SEPTIN11: variants seen among roughly 807,000 people sequenced by gnomAD.
SEPTIN11 encodes septin-11.
SEPTIN11 carries 25 observed loss-of-function variants against 51.4 expected under a neutral mutation model. The observed-to-expected ratio is 0.49, with a 90% confidence interval of 0.35 to 0.68. The LOEUF is 0.68. Among genes scored for constraint, SEPTIN11 ranks in the 30% least tolerant of loss-of-function variants. The pLI is 0.00. For synonymous variants in SEPTIN11, 174 were observed against 184.1 expected (o/e 0.95, Z 0.44); for missense variants, 381 against 520.8 (o/e 0.73, Z 2.61).
rs746370026 is a variant in SEPTIN11 at position 77,005,680 on chromosome 4, T to C, written c.222T>C (p.Asn74=). The C allele has an allele frequency of 2.5e-6, 4 of 1,613,996 alleles. No homozygotes were observed. Among genetic ancestry groups the C allele is most frequent in the African/African-American group, 1.3e-5 (1 of 74,930 alleles). ...TTGAAAGTGACCCAGCTACTCACAATGAACCAGGTGTTCGGTTAAAAGCCA... is the reference window on the plus strand; with the variant it reads ...TTGAAAGTGACCCAGCTACTCACAACGAACCAGGTGTTCGGTTAAAAGCCA... ...TKFESDPATH[N]EPGVRLKARS... is the part of the protein sequence containing the mutation. Residue 74 remains asparagine, a synonymous_variant, in exon 3 of 10, where the codon AAT becomes AAC. Coordinates refer to ENST00000264893, the MANE Select transcript of SEPTIN11 (RefSeq NM_018243.4).
Position 77,036,234 on chromosome 4 carries a change from C to T in SEPTIN11, c.*1722C>T, listed in dbSNP as rs1727015839. 5.0e-6 allele frequency: 5 copies of T among 1,004,584 alleles called. No individual in the cohort carries two copies. Among genetic ancestry groups the T allele is most frequent in the Non-Finnish European group, 5.9e-6 (5 of 841,790 alleles). 62.2% of individuals were successfully genotyped at this position (1,004,584 alleles called of 1,614,324 possible). A position where few individuals can be genotyped will look rare whatever the true frequency, so the allele number is the denominator to read the frequency against. On this transcript the variant is annotated 3_prime_UTR_variant, in exon 10 of 10. Transcript: ENST00000264893. Reference sequence around the variant, plus strand: ...TAGACACAGCAGTAGTCATAGTCTTCACAGGTTTAGGAGCTACTGGACCAA... The same window carrying T: ...TAGACACAGCAGTAGTCATAGTCTTTACAGGTTTAGGAGCTACTGGACCAA...
At chr4:76,959,367 G>T (rs889714107) in intron 1 of SEPTIN11, among the ~76,000 whole-genome samples, 5 of 151,224 alleles carry the variant, frequency 3.3e-5, no homozygotes, top group East Asian at 3.9e-4. Flanking sequence ...TCCTGTCTAG[G>T]CCTCCCAAAA....
chr4:77,013,914 C>T (rs2703158), intron 4 of SEPTIN11, among the ~76,000 whole-genome samples: 83,068 of 151,888 alleles, frequency 0.55, 23,388 homozygotes, highest in Non-Finnish European at 0.61. Context: ...CTTATTGAAA[C>T]CTGTGTTTAC....
chr4:77,018,448 CAAA>C (rs35058632), intron 5 of SEPTIN11, among the ~76,000 whole-genome samples: 3 of 131,744 alleles, frequency 2.3e-5, no homozygotes, highest in Non-Finnish European at 4.9e-5. Context: ...GACTCCATCT[CAAA>C]AAAAAAAAAA....
At chr4:76,949,975 T>A (rs939853493) in intron 1 of SEPTIN11, 45 bp downstream of exon 1, 70 of 1,424,768 alleles carry the variant, frequency 4.9e-5, no homozygotes, top group Non-Finnish European at 6.2e-5. Context: ...CGCCGGGTGG[T>A]CTCTGCTCTG....
rs932699582 is a variant in SEPTIN11, at chr4:76,981,677, A to C, written c.28-14748A>C. On this transcript the variant is annotated intron_variant, in intron 1 of 9. Coordinates refer to ENST00000264893, the MANE Select transcript of SEPTIN11 (RefSeq NM_018243.4). ...GAAGGAGTAAGAAAGCTTTAGCTTG[A>C]TTAGAATGGCTGAACTTGTAGCGGT... Among the ~76,000 whole-genome samples, 7 of 152,316 alleles carry C rather than the reference A, an allele frequency of 4.6e-5. No homozygotes were observed. In the South Asian group the frequency reaches 8.3e-4, roughly 18 times the overall value.
chr4:76,969,595 T>TTTTCTAA (rs1411928695), intron 1 of SEPTIN11, among the ~76,000 whole-genome samples: 2 of 152,150 alleles, frequency 1.3e-5, no homozygotes, highest in African/African-American at 4.8e-5. Context: ...CCATGCGAAT[T>TTTTCTAA]TTTCTTAAGA....
intron 1 of SEPTIN11, among the ~76,000 whole-genome samples, chr4:76,971,029 G>A (rs1047700882): frequency 6.6e-6 from 1 of 152,104 alleles, no homozygotes; most frequent in East Asian, 1.9e-4. Context: ...GGATTCATTG[G>A]AACAATAAGT....
At chr4:77,021,921 G>A (rs1725748048) in intron 7 of SEPTIN11, among the ~76,000 whole-genome samples, 1 of 152,204 alleles carries the variant, frequency 6.6e-6, no homozygotes, top group African/African-American at 2.4e-5. Flanking sequence ...ACCCAGACAA[G>A]GGGCATACCA....
chr4:76,991,439 A>G (rs1723369982), intron 1 of SEPTIN11, among the ~76,000 whole-genome samples: 1 of 152,264 alleles, frequency 6.6e-6, no homozygotes, highest in Non-Finnish European at 1.5e-5. Context: ...AGCAGCGCTC[A>G]GAATGTAGGT....
intron 9 of SEPTIN11, 137 bp from the exon 10 acceptor site, chr4:77,034,360 G>C: frequency 1.3e-6 from 1 of 773,356 alleles, no homozygotes. Context: ...CAAATTTTTG[G>C]TTTTAATTTC....
At position 77,038,257 on chromosome 4, in the gene SEPTIN11, G is replaced by A. The variant is rs1727167073; in HGVS notation, c.*3745G>A. The A allele has an allele frequency of 5.1e-6, 5 of 985,542 alleles. No homozygotes were observed. The South Asian group carries it at 1.9e-4, about 37-fold the overall frequency. The allele number at this position is 985,542 out of a possible 1,614,324, so 61.0% of individuals were successfully genotyped here. The stretch of plus-strand genomic sequence containing the variant: ...AAGCTGTGAACAGCATTAGAACTTT[G>A]TCTATTTCTTAATTTTAAAATATGC... On this transcript the variant is annotated 3_prime_UTR_variant, in exon 10 of 10. Coordinates refer to ENST00000264893, the MANE Select transcript of SEPTIN11 (RefSeq NM_018243.4).
intron 5 of SEPTIN11, among the ~76,000 whole-genome samples, chr4:77,016,615 C>CATATATATATATATACACATATATATAT (rs1459999115): frequency 6.3e-5 from 5 of 79,192 alleles, no homozygotes; most frequent in Non-Finnish European, 1.3e-4. Context: ...TATATATACA[C>CATATATATATATATACACATATATATAT]ATATATATAT....
chr4:77,034,487 T>C lies in SEPTIN11; in HGVS notation c.1275-10T>C. ...TTTCTAACTTTTTTGTTTTGTTTTT[T>C]AACTTGCAGTGCAAGCTTCACATAA... On this transcript the variant is annotated splice_polypyrimidine_tract_variant and intron_variant, in intron 9 of 9. Coordinates refer to ENST00000264893, the MANE Select transcript of SEPTIN11 (RefSeq NM_018243.4). 1 of 1,537,088 alleles carries C rather than the reference T, an allele frequency of 6.5e-7. No individual in the cohort carries two copies. Among genetic ancestry groups the C allele is most frequent in the Non-Finnish European group, 8.7e-7 (1 of 1,148,240 alleles).
chr4:76,970,362 G>A (rs1722190671), intron 1 of SEPTIN11, among the ~76,000 whole-genome samples: 1 of 152,212 alleles, frequency 6.6e-6, no homozygotes, highest in Non-Finnish European at 1.5e-5. Context: ...GCACAAAGGA[G>A]TTATTCAGTA....
At chr4:77,003,353 A>G (rs1424363962) in intron 2 of SEPTIN11, among the ~76,000 whole-genome samples, 2 of 152,202 alleles carry the variant, frequency 1.3e-5, no homozygotes, top group East Asian at 3.8e-4. Flanking sequence ...GGTTATGACA[A>G]ACACTTAGAA....
intron 1 of SEPTIN11, among the ~76,000 whole-genome samples, chr4:76,992,587 AAG>A (rs1211921053): frequency 6.6e-6 from 1 of 152,230 alleles, no homozygotes; most frequent in Non-Finnish European, 1.5e-5. Flanking sequence ...TAGAATTATT[AAG>A]AGAGAGAAAT....
At chr4:76,956,985 TGTGTGTGTGA>T (rs1721585203) in intron 1 of SEPTIN11, among the ~76,000 whole-genome samples, 1 of 139,880 alleles carries the variant, frequency 7.1e-6, no homozygotes, top group African/African-American at 2.8e-5. Flanking sequence ...TGTGTGTGTG[TGTGTGTGTGA>T]GAGAGAGAGA....
At chr4:77,032,743 TA>T (rs989633027) in intron 9 of SEPTIN11, among the ~76,000 whole-genome samples, 1 of 152,242 alleles carries the variant, frequency 6.6e-6, no homozygotes, top group African/African-American at 2.4e-5. Flanking sequence ...CCAGCAATGT[TA>T]AAAGAGTATT....
Sources: allele counts gnomAD v4.1 joint callset (sites outside exome capture counted in the v4.1 genomes callset), GRCh38; gene constraint gnomAD v4.1.1; transcripts MANE v1.5; gene names NCBI Gene and HGNC (gene_info 2026-07-23, HGNC 2026-07-21).